Variants in CSMD2 observed in about 807,000 individuals in gnomAD.
CSMD2 encodes the protein CUB and Sushi multiple domains 2, also known as CUB and sushi domain-containing protein 2.
In CSMD2, 130 loss-of-function variants were observed where a neutral mutation model predicts 398.5. The ratio of observed to expected loss-of-function variants is 0.33; its 90% confidence interval spans 0.28 to 0.38. The LOEUF (loss-of-function observed/expected upper bound fraction) is 0.38. CSMD2 is among the 10% of genes least tolerant of loss of function. The probability of loss-of-function intolerance (pLI) is 1.00; values close to 1 mark genes in which losing one functional copy is unlikely to be tolerated. For missense variants in CSMD2, 3,829 were observed against 4,764.9 expected, an observed-to-expected ratio of 0.80 and a Z score of 5.78; for synonymous variants, 1,828 against 1,908.5, an observed-to-expected ratio of 0.96 and a Z score of 1.10.
At chr1:33,696,077 A>G (rs1645411178) in intron 24 of CSMD2, among the ~76,000 whole-genome samples, 1 of 152,234 alleles carries the variant, frequency 6.6e-6, no homozygotes, top group South Asian at 2.1e-4. Flanking sequence ...TTGGCACATT[A>G]TAGATGCTTA....
At chr1:33,729,723 C>T (rs2149218100) in intron 15 of CSMD2, among the ~76,000 whole-genome samples, 1 of 152,016 alleles carries the variant, frequency 6.6e-6, no homozygotes, top group Middle Eastern at 3.4e-3. Context: ...GATGATTGAC[C>T]TCACTCTTAA....
intron 60 of CSMD2, among the ~76,000 whole-genome samples, chr1:33,539,432 TAA>T (rs938485391): frequency 2.0e-5 from 3 of 152,196 alleles, no homozygotes; most frequent in Non-Finnish European, 4.4e-5. Flanking sequence ...TAAATATTGA[TAA>T]AGAAAGGTAG....
intron 3 of CSMD2, among the ~76,000 whole-genome samples, chr1:33,987,908 CA>C: frequency 6.6e-6 from 1 of 152,338 alleles, no homozygotes; most frequent in Middle Eastern, 3.4e-3. Flanking sequence ...ACACCTGCAT[CA>C]TATCTCACCC....
At chr1:33,767,887 T>C (rs1248306183) in intron 13 of CSMD2, among the ~76,000 whole-genome samples, 1 of 152,196 alleles carries the variant, frequency 6.6e-6, no homozygotes, top group African/African-American at 2.4e-5. Flanking sequence ...CCTAAACTTC[T>C]AGAAATCTAG....
chr1:34,079,302 G>A (rs528920655), intron 2 of CSMD2, among the ~76,000 whole-genome samples: 12 of 152,230 alleles, frequency 7.9e-5, no homozygotes, highest in Non-Finnish European at 7.4e-5. Flanking sequence ...ATCCCGATTG[G>A]AAAGGAAGAA....
intron 11 of CSMD2, among the ~76,000 whole-genome samples, chr1:33,791,518 C>G (rs1654310580): frequency 6.6e-6 from 1 of 152,100 alleles, no homozygotes; most frequent in Non-Finnish European, 1.5e-5. Flanking sequence ...CAGGATCTCA[C>G]TCTGTCACCC....
intron 13 of CSMD2, among the ~76,000 whole-genome samples, chr1:33,764,414 C>T (rs535896641): frequency 6.6e-6 from 1 of 152,204 alleles, no homozygotes; most frequent in Non-Finnish European, 1.5e-5. Flanking sequence ...GCGACGTCCC[C>T]TTCAGATCAC....
At chr1:33,759,916 G>C (rs1257860458) in intron 13 of CSMD2, among the ~76,000 whole-genome samples, 1 of 152,170 alleles carries the variant, frequency 6.6e-6, no homozygotes, top group Admixed American at 6.5e-5. Flanking sequence ...ACTCATGGTA[G>C]CAGCTATTCA....
intron 4 of CSMD2, among the ~76,000 whole-genome samples, chr1:33,927,020 A>G (rs1473265570): frequency 1.3e-5 from 2 of 152,060 alleles, no homozygotes; most frequent in Non-Finnish European, 2.9e-5. Flanking sequence ...TGTTCATATC[A>G]TCTTCCCCAG....
chr1:34,045,525 T>C (rs1197648983), intron 2 of CSMD2, among the ~76,000 whole-genome samples: 1 of 152,230 alleles, frequency 6.6e-6, no homozygotes, highest in African/African-American at 2.4e-5. Context: ...AAACATCTAC[T>C]GGCTCTGCAA....
At chr1:33,973,589 G>A (rs556336445) in intron 3 of CSMD2, among the ~76,000 whole-genome samples, 17 of 152,350 alleles carry the variant, frequency 1.1e-4, no homozygotes, top group African/African-American at 3.6e-4. Context: ...TGCACCTGGT[G>A]AGATGATTCT....
intron 12 of CSMD2, among the ~76,000 whole-genome samples, chr1:33,781,834 C>T (rs1652804973): frequency 6.6e-6 from 1 of 152,112 alleles, no homozygotes; most frequent in African/African-American, 2.4e-5. Context: ...GCTGGTCGCC[C>T]CCATGGAGGG....
intron 9 of CSMD2, among the ~76,000 whole-genome samples, chr1:33,817,155 C>T (rs549580690): frequency 3.9e-5 from 6 of 152,172 alleles, no homozygotes; most frequent in Non-Finnish European, 8.8e-5. Context: ...AATAAAAAGA[C>T]GCTTTACTCT....
At chr1:33,901,040 A>T (rs184378500) in intron 5 of CSMD2, among the ~76,000 whole-genome samples, 1 of 152,302 alleles carries the variant, frequency 6.6e-6, no homozygotes, top group Admixed American at 6.5e-5. Context: ...AACCACGTGT[A>T]GGTGAGGAGG....
At chr1:33,716,229 A>C in intron 20 of CSMD2, 57 bp downstream of exon 20, 3 of 1,394,732 alleles carry the variant, frequency 2.2e-6, no homozygotes, top group Admixed American at 3.4e-5. Flanking sequence ...TGGTAGCAGA[A>C]GGAGAGAGCA....
intron 49 of CSMD2, among the ~76,000 whole-genome samples, chr1:33,574,745 G>A (rs1659909904): frequency 2.0e-5 from 3 of 152,190 alleles, no homozygotes; most frequent in African/African-American, 7.2e-5. Context: ...GGAGGATCAG[G>A]AACACAGAAG....
intron 15 of CSMD2, among the ~76,000 whole-genome samples, chr1:33,738,793 A>T (rs1646963425): frequency 6.6e-6 from 1 of 152,186 alleles, no homozygotes; most frequent in Non-Finnish European, 1.5e-5. Context: ...CAGCGCTGCC[A>T]ATGCTACTTT....
intron 1 of CSMD2, among the ~76,000 whole-genome samples, chr1:34,097,459 A>G (rs1659457044): frequency 8.5e-6 from 1 of 117,026 alleles, no homozygotes; most frequent in Non-Finnish European, 1.7e-5. Context: ...AGAAACTACC[A>G]TCAGAGTGAA....
chr1:34,109,133 T>C (rs965639549), intron 1 of CSMD2, among the ~76,000 whole-genome samples: 2 of 152,194 alleles, frequency 1.3e-5, no homozygotes, highest in Non-Finnish European at 1.5e-5. Context: ...TGGCAGCAGA[T>C]CCAGGGCAAG....
Sources: allele counts gnomAD v4.1 joint callset (sites outside exome capture counted in the v4.1 genomes callset), GRCh38; gene constraint gnomAD v4.1.1; transcripts MANE v1.5; gene names NCBI Gene and HGNC (gene_info 2026-07-23, HGNC 2026-07-21).